The following PDE1A variants were observed in gnomAD, a reference collection of about 807,000 sequenced individuals.
PDE1A encodes the protein phosphodiesterase 1A.
In PDE1A, 35 loss-of-function variants were observed where a neutral mutation model predicts 61.7. That is an observed-to-expected ratio of 0.57 (90% CI 0.43 to 0.75). PDE1A has a LOEUF of 0.75. Among genes scored for constraint, PDE1A ranks in the 30% least tolerant of loss-of-function variants. The pLI is 0.00. For missense variants in PDE1A, 597 were observed against 630.6 expected (o/e 0.95, Z 0.57); for synonymous variants, 232 against 213.2 (o/e 1.09, Z -0.77).
the PDE1A span, among the ~76,000 whole-genome samples, chr2:182,556,715 A>G: frequency 3.3e-5 from 5 of 152,306 alleles, no homozygotes; most frequent in African/African-American, 1.2e-4. Context: ...AATATTGTCT[A>G]ATGTGCTTCA....
chr2:182,331,015 G>A (rs1399053566), intron 1 of PDE1A, among the ~76,000 whole-genome samples: 1 of 152,100 alleles, frequency 6.6e-6, no homozygotes, highest in Non-Finnish European at 1.5e-5. Flanking sequence ...AAATTCCAGA[G>A]GTACCTTTTT....
the PDE1A span, among the ~76,000 whole-genome samples, chr2:182,640,636 G>A: frequency 1.3e-5 from 2 of 152,064 alleles, no homozygotes; most frequent in South Asian, 4.1e-4. Flanking sequence ...ATTTCTCTTA[G>A]TAGGATCGAT....
At position 182,492,048 on chromosome 2, in the gene PDE1A, TTA is replaced by T. The variant is rs553729409; in HGVS notation, c.101+30226_101+30227del. ...ATGCCCCACTGCTTGATCATTGCTTTTAGAGGCTAGTCTGATCATTTCCTATC... is the reference window on the plus strand; with the variant it reads ...ATGCCCCACTGCTTGATCATTGCTTTGAGGCTAGTCTGATCATTTCCTATC... On this transcript the variant is annotated intron_variant, in intron 2 of 14. Coordinates refer to the PDE1A transcript ENST00000410103. Among the ~76,000 whole-genome samples the T allele has an allele frequency of 3.4e-4, 52 of 152,220 alleles. No homozygotes were observed. The South Asian group carries it at 0.011, about 32-fold the overall frequency.
chr2:182,248,810 T>G (rs1311347176), intron 2 of PDE1A, among the ~76,000 whole-genome samples: 1 of 152,212 alleles, frequency 6.6e-6, no homozygotes, highest in Non-Finnish European at 1.5e-5. Flanking sequence ...TAGGAGATAC[T>G]GGTTTCTCAA....
the PDE1A span, among the ~76,000 whole-genome samples, chr2:182,572,697 C>CGTCTCT: frequency 6.6e-6 from 1 of 151,884 alleles, no homozygotes; most frequent in East Asian, 1.9e-4. Flanking sequence ...CATGAAACCC[C>CGTCTCT]GTCTCTACTA....
intron 10 of PDE1A, among the ~76,000 whole-genome samples, chr2:182,190,584 C>A (rs1685602403): frequency 1.3e-5 from 2 of 151,344 alleles, no homozygotes; most frequent in Non-Finnish European, 3.0e-5. Context: ...TAGTATCTAT[C>A]CTGAAGTTAT....
intron 1 of PDE1A, among the ~76,000 whole-genome samples, chr2:182,408,393 C>T (rs1158266348): frequency 6.6e-6 from 1 of 152,136 alleles, no homozygotes; most frequent in African/African-American, 2.4e-5. Context: ...CTTTTAATTT[C>T]TCAAATGTGA....
chr2:182,309,453 A>C (rs769144098), intron 1 of PDE1A, among the ~76,000 whole-genome samples: 1 of 152,104 alleles, frequency 6.6e-6, no homozygotes, highest in Non-Finnish European at 1.5e-5. Context: ...CACCTAGAAA[A>C]TAAAAATAAA....
At chr2:182,408,908 A>G (rs977667273) in intron 1 of PDE1A, among the ~76,000 whole-genome samples, 4 of 152,198 alleles carry the variant, frequency 2.6e-5, no homozygotes, top group African/African-American at 4.8e-5. Flanking sequence ...CTCACCTTGC[A>G]GAGAGAAAAC....
At chr2:182,528,726 G>T in the PDE1A span, among the ~76,000 whole-genome samples, 196 of 152,334 alleles carry the variant, frequency 1.3e-3, no homozygotes, top group East Asian at 4.1e-3. Context: ...CTCCCGTGCT[G>T]TGTACAGCCT....
chr2:182,562,894 T>C, the PDE1A span, among the ~76,000 whole-genome samples: 1 of 152,250 alleles, frequency 6.6e-6, no homozygotes, highest in African/African-American at 2.4e-5. Flanking sequence ...GTGGGATCAG[T>C]GGTGATATCC....
chr2:182,476,265 TG>T (rs1339133085), intron 2 of PDE1A, among the ~76,000 whole-genome samples: 1 of 151,726 alleles, frequency 6.6e-6, no homozygotes, highest in African/African-American at 2.4e-5. Flanking sequence ...CCAAGATGGG[TG>T]GATCACTTGA....
the PDE1A span, among the ~76,000 whole-genome samples, chr2:182,568,415 A>T: frequency 6.6e-6 from 1 of 152,230 alleles, no homozygotes; most frequent in African/African-American, 2.4e-5. Flanking sequence ...GCGGTGGCTC[A>T]CGCCTGTAAT....
intron 6 of PDE1A, among the ~76,000 whole-genome samples, chr2:182,224,493 A>C (rs1366211901): frequency 1.3e-5 from 2 of 151,938 alleles, no homozygotes; most frequent in Non-Finnish European, 1.5e-5. Context: ...TATTCATAAC[A>C]CATAAAAATG....
intron 3 of PDE1A, 35 bp from the exon 4 acceptor site, chr2:182,234,533 T>G: frequency 1.5e-6 from 2 of 1,352,342 alleles, no homozygotes; most frequent in South Asian, 1.2e-5. Flanking sequence ...AATATAAAAT[T>G]CATTTATTCA....
At chr2:182,235,231 C>A (rs1689916705) in intron 3 of PDE1A, among the ~76,000 whole-genome samples, 1 of 152,180 alleles carries the variant, frequency 6.6e-6, no homozygotes, top group Non-Finnish European at 1.5e-5. Context: ...GCAAGCTCCG[C>A]CTCCCGGGTT....
the PDE1A span, among the ~76,000 whole-genome samples, chr2:182,633,710 G>T: frequency 6.6e-6 from 1 of 152,018 alleles, no homozygotes; most frequent in Non-Finnish European, 1.5e-5. Context: ...CATTTGGCCT[G>T]CATCCTAAGA....
At chr2:182,260,075 T>C (rs1453349646) in intron 2 of PDE1A, among the ~76,000 whole-genome samples, 1 of 152,220 alleles carries the variant, frequency 6.6e-6, no homozygotes, top group African/African-American at 2.4e-5. Flanking sequence ...AACTTTTTAT[T>C]TTTCTCACCA....
At chr2:182,338,594 G>A (rs574389973) in intron 1 of PDE1A, among the ~76,000 whole-genome samples, 2 of 151,080 alleles carry the variant, frequency 1.3e-5, no homozygotes, top group African/African-American at 2.4e-5. Context: ...GTGTGATCTC[G>A]GCTCACTGCA....
Sources: allele counts gnomAD v4.1 joint callset (sites outside exome capture counted in the v4.1 genomes callset), GRCh38; gene constraint gnomAD v4.1.1; transcripts MANE v1.5; gene names NCBI Gene and HGNC (gene_info 2026-07-23, HGNC 2026-07-21).